Variants in CSNK2A2IP observed in about 807,000 individuals in gnomAD.
CSNK2A2IP encodes the protein casein kinase II subunit alpha'-interacting protein.
the CSNK2A2IP span, among the ~76,000 whole-genome samples, chr3:88,365,070 T>C: frequency 6.6e-6 from 1 of 152,246 alleles, no homozygotes; most frequent in East Asian, 1.9e-4. Flanking sequence ...AAGTGTCTGA[T>C]CCAGGATGTG....
At chr3:88,429,127 C>T in the CSNK2A2IP span, among the ~76,000 whole-genome samples, 19,507 of 150,818 alleles carry the variant, frequency 0.13, 1,681 homozygotes, top group Non-Finnish European at 0.16. Flanking sequence ...TTAACCAATA[C>T]CACAGTTCAT....
chr3:88,415,552 C>T, the CSNK2A2IP span, among the ~76,000 whole-genome samples: 1 of 151,232 alleles, frequency 6.6e-6, no homozygotes, highest in Non-Finnish European at 1.5e-5. Flanking sequence ...AGAATAATAA[C>T]ACCTAAATAA....
chr3:88,388,597 T>A, the CSNK2A2IP span, among the ~76,000 whole-genome samples: 2 of 152,190 alleles, frequency 1.3e-5, no homozygotes, highest in Admixed American at 6.5e-5. Context: ...TATAAATGCA[T>A]CCAAGTCAGG....
chr3:88,423,819 T>G, the CSNK2A2IP span, among the ~76,000 whole-genome samples: 1 of 152,186 alleles, frequency 6.6e-6, no homozygotes, highest in Non-Finnish European at 1.5e-5. Flanking sequence ...ACTGTGATAT[T>G]TCAAGTGAGT....
the CSNK2A2IP span, chr3:88,465,415 C>A: frequency 2.4e-6 from 3 of 1,231,688 alleles, no homozygotes; most frequent in Non-Finnish European, 3.0e-6. Context: ...CTTCTACCAA[C>A]TGTCCTCAGC....
chr3:88,417,226 T>A, the CSNK2A2IP span, among the ~76,000 whole-genome samples: 1 of 152,134 alleles, frequency 6.6e-6, no homozygotes, highest in Non-Finnish European at 1.5e-5. Context: ...ATATCCACAT[T>A]TGTTAGTATT....
the CSNK2A2IP span, among the ~76,000 whole-genome samples, chr3:88,450,511 C>A: frequency 3.3e-5 from 5 of 149,702 alleles, no homozygotes; most frequent in Non-Finnish European, 7.4e-5. Flanking sequence ...TTTAAAAAAA[C>A]ATTCTACATA....
chr3:88,436,673 G>A, the CSNK2A2IP span, among the ~76,000 whole-genome samples: 2 of 152,094 alleles, frequency 1.3e-5, no homozygotes, highest in Non-Finnish European at 2.9e-5. Context: ...ATGAGCTATA[G>A]CTCTAGCAAA....
chr3:88,449,939 C>A, the CSNK2A2IP span, among the ~76,000 whole-genome samples: 1 of 144,940 alleles, frequency 6.9e-6, no homozygotes, highest in East Asian at 2.1e-4. Context: ...ATGATCTCAG[C>A]TCACTGCAAC....
the CSNK2A2IP span, among the ~76,000 whole-genome samples, chr3:88,376,486 A>G: frequency 6.6e-6 from 1 of 151,708 alleles, no homozygotes; most frequent in Non-Finnish European, 1.5e-5. Context: ...TCTAAGAGAA[A>G]AATTCCCCTC....
chr3:88,397,625 G>T, the CSNK2A2IP span, among the ~76,000 whole-genome samples: 1 of 151,964 alleles, frequency 6.6e-6, no homozygotes, highest in African/African-American at 2.4e-5. Flanking sequence ...GACTGAGGAA[G>T]AAAAATTGAA....
the CSNK2A2IP span, among the ~76,000 whole-genome samples, chr3:88,453,834 T>C: frequency 2.0e-5 from 3 of 152,072 alleles, no homozygotes; most frequent in Non-Finnish European, 4.4e-5. Context: ...ATTGGTTGAT[T>C]CATTTGTCTA....
the CSNK2A2IP span, among the ~76,000 whole-genome samples, chr3:88,453,904 T>C: frequency 6.6e-6 from 1 of 152,072 alleles, no homozygotes; most frequent in South Asian, 2.1e-4. Context: ...GATGAACATA[T>C]TTTTTAAGTC....
the CSNK2A2IP span, among the ~76,000 whole-genome samples, chr3:88,404,873 C>T: frequency 6.6e-6 from 1 of 152,090 alleles, no homozygotes; most frequent in Non-Finnish European, 1.5e-5. Context: ...CTGTTTACTT[C>T]TTTCTAAAAT....
At chr3:88,410,170 A>C in the CSNK2A2IP span, among the ~76,000 whole-genome samples, 1 of 152,088 alleles carries the variant, frequency 6.6e-6, no homozygotes, top group Non-Finnish European at 1.5e-5. Context: ...CACTGAGCTC[A>C]AAAAGAAGGC....
the CSNK2A2IP span, among the ~76,000 whole-genome samples, chr3:88,409,921 C>T: frequency 2.7e-4 from 41 of 152,030 alleles, 1 homozygote; most frequent in South Asian, 7.7e-3. Context: ...ATTTAACTTC[C>T]GTAACAAATG....
the CSNK2A2IP span, chr3:88,465,462 AAATC>A: frequency 8.1e-7 from 1 of 1,231,702 alleles, no homozygotes; most frequent in Non-Finnish European, 1.0e-6. Flanking sequence ...GTGAAAAACT[AAATC>A]AATTCAATAA....
the CSNK2A2IP span, among the ~76,000 whole-genome samples, chr3:88,462,988 CT>C: frequency 6.6e-6 from 1 of 152,006 alleles, no homozygotes; most frequent in Non-Finnish European, 1.5e-5. Flanking sequence ...AATTATGGTA[CT>C]AATAAGATAT....
At chr3:88,417,713 T>C in the CSNK2A2IP span, among the ~76,000 whole-genome samples, 1 of 152,230 alleles carries the variant, frequency 6.6e-6, no homozygotes, top group Admixed American at 6.5e-5. Context: ...CTATTTACTG[T>C]CAACTGTAGG....
Sources: gnomAD v4.1 joint callset for allele counts (sites outside exome capture counted in the v4.1 genomes callset) on GRCh38, gnomAD v4.1.1 for gene constraint, MANE v1.5 for transcripts, NCBI Gene and HGNC (gene_info 2026-07-23, HGNC 2026-07-21) for gene names.